LRRC37A2: variants seen among roughly 807,000 people sequenced by gnomAD.
LRRC37A2 encodes leucine rich repeat containing 37 member A2, also known as leucine-rich repeat-containing protein 37A2.
LRRC37A2 carries 9 observed loss-of-function variants against 68.8 expected under a neutral mutation model. That is an observed-to-expected ratio of 0.13 (90% CI 0.08 to 0.23). The LOEUF is 0.23. Ranked by LOEUF, LRRC37A2 falls within the 10% of genes least tolerant of loss-of-function variation. LRRC37A2 has a pLI of 1.00. For synonymous variants in LRRC37A2, 63 were observed against 367.6 expected (o/e 0.17, Z 9.48); for missense variants, 168 against 950.4 (o/e 0.18, Z 10.82).
At chr17:47,030,720 C>A in the LRRC37A2 span, among the ~76,000 whole-genome samples, 1 of 151,970 alleles carries the variant, frequency 6.6e-6, no homozygotes, top group African/African-American at 2.4e-5. Flanking sequence ...ACACTGCAGT[C>A]ATATTTGGCA....
At chr17:47,014,937 A>G in the LRRC37A2 span, among the ~76,000 whole-genome samples, 1 of 151,668 alleles carries the variant, frequency 6.6e-6, no homozygotes, top group African/African-American at 2.4e-5. Flanking sequence ...TCAACAGTAG[A>G]CCACATATAT....
In LRRC37A2 at chr17:46,544,871, A is replaced by T. The variant is rs2056044199; in HGVS notation, c.3054-1384A>T. On this transcript the variant is annotated intron_variant, in intron 8 of 14. Coordinates refer to ENST00000576629, the Ensembl canonical transcript of LRRC37A2. ...AATCCAATCAAAGATCAGGCACTGC[A>T]TGTCATGTCTTCATTTCCTTTAATC... Among the ~76,000 whole-genome samples the T allele has an allele frequency of 3.0e-5, 4 of 134,664 alleles. 1 individual carries two copies. The highest frequency in any genetic ancestry group is 6.3e-5 in the Non-Finnish European group (4 of 63,270). 88.3% of individuals were successfully genotyped at this position (134,664 alleles called of 152,430 possible).
the LRRC37A2 span, among the ~76,000 whole-genome samples, chr17:46,746,384 G>A: frequency 2.0e-5 from 3 of 152,214 alleles, no homozygotes; most frequent in South Asian, 6.2e-4. Context: ...CACAGCAGGT[G>A]GATAAAAACA....
chr17:46,878,306 T>C, the LRRC37A2 span, among the ~76,000 whole-genome samples: 1 of 152,198 alleles, frequency 6.6e-6, no homozygotes. Context: ...ATCAGCTGAA[T>C]GCTCAGAAAC....
At chr17:46,978,428 T>C in the LRRC37A2 span, 4 of 537,886 alleles carry the variant, frequency 7.4e-6, no homozygotes, top group African/African-American at 2.0e-5. Flanking sequence ...CCCCACATTC[T>C]CCCACCCCGC....
At chr17:46,794,752 C>CTTTTTT in the LRRC37A2 span, among the ~76,000 whole-genome samples, 4 of 129,284 alleles carry the variant, frequency 3.1e-5, no homozygotes, top group Non-Finnish European at 3.2e-5. Context: ...CTTTCTTTTT[C>CTTTTTT]TTTTTTTTTT....
the LRRC37A2 span, chr17:46,938,501 G>C: frequency 6.3e-7 from 1 of 1,588,206 alleles, no homozygotes; most frequent in Admixed American, 1.7e-5. Flanking sequence ...ATGACCAAGA[G>C]AATGTCTGTT....
chr17:46,763,536 C>T, the LRRC37A2 span: 1 of 152,090 alleles, frequency 6.6e-6, no homozygotes. Context: ...AAGATGGGTC[C>T]GTATTGGAGA....
chr17:46,852,475 T>G, the LRRC37A2 span, among the ~76,000 whole-genome samples: 1 of 124,780 alleles, frequency 8.0e-6, no homozygotes, highest in African/African-American at 3.1e-5. Flanking sequence ...CAGTGGGGGG[T>G]GACACCTGGG....
At chr17:46,871,743 T>A in the LRRC37A2 span, among the ~76,000 whole-genome samples, 1 of 152,162 alleles carries the variant, frequency 6.6e-6, no homozygotes, top group Non-Finnish European at 1.5e-5. Context: ...CGATGAACTT[T>A]CAATCTAGGA....
At chr17:46,771,740 T>C in the LRRC37A2 span, among the ~76,000 whole-genome samples, 17 of 119,532 alleles carry the variant, frequency 1.4e-4, no homozygotes, top group African/African-American at 1.8e-4. Context: ...GAAATCCCCA[T>C]TGAAGCGGCG....
chr17:46,882,658 C>G, the LRRC37A2 span, among the ~76,000 whole-genome samples: 1 of 152,154 alleles, frequency 6.6e-6, no homozygotes, highest in Non-Finnish European at 1.5e-5. Flanking sequence ...CCCACCCTTC[C>G]CATTTCTTTC....
chr17:47,033,380 A>G, the LRRC37A2 span: 6 of 699,166 alleles, frequency 8.6e-6, no homozygotes, highest in Non-Finnish European at 1.3e-5. Context: ...TGGCTCACGA[A>G]CCTATGTAGG....
At chr17:46,812,026 C>T in the LRRC37A2 span, among the ~76,000 whole-genome samples, 7 of 152,200 alleles carry the variant, frequency 4.6e-5, no homozygotes, top group Non-Finnish European at 8.8e-5. Flanking sequence ...TGCCCAGAAG[C>T]AGGGAGGAGA....
chr17:46,703,569 C>T, the LRRC37A2 span, among the ~76,000 whole-genome samples: 5 of 147,120 alleles, frequency 3.4e-5, no homozygotes, highest in East Asian at 1.0e-3. Context: ...GTAGTCCCAG[C>T]TACTCGGGAG....
chr17:46,850,497 G>A, the LRRC37A2 span, among the ~76,000 whole-genome samples: 2 of 152,282 alleles, frequency 1.3e-5, no homozygotes, highest in South Asian at 4.1e-4. Flanking sequence ...CCACTGAAAA[G>A]CCAAGGTCGC....
chr17:46,541,343 C>T (rs1175913248), intron 8 of LRRC37A2, among the ~76,000 whole-genome samples: 1 of 149,534 alleles, frequency 6.7e-6, no homozygotes, highest in East Asian at 2.0e-4. Flanking sequence ...CCTCCACCTC[C>T]CAGGTTCAAG....
the LRRC37A2 span, among the ~76,000 whole-genome samples, chr17:46,501,782 G>A: frequency 6.6e-6 from 1 of 151,180 alleles, no homozygotes; most frequent in South Asian, 2.1e-4. Flanking sequence ...TACTTGATCT[G>A]ACTGCTTCCT....
chr17:46,855,500 C>A, the LRRC37A2 span, among the ~76,000 whole-genome samples: 248 of 152,288 alleles, frequency 1.6e-3, 3 homozygotes, highest in Non-Finnish European at 7.4e-4. Context: ...GTCAGTAGCA[C>A]CTGGAGGTGC....
Sources: allele counts gnomAD v4.1 joint callset (sites outside exome capture counted in the v4.1 genomes callset), GRCh38; gene constraint gnomAD v4.1.1; transcripts MANE v1.5; gene names NCBI Gene and HGNC (gene_info 2026-07-23, HGNC 2026-07-21).